The following ACRV1 variants were observed in gnomAD, a reference collection of about 807,000 sequenced individuals.
ACRV1 encodes acrosomal vesicle protein 1, also known as acrosomal protein SP-10.
In ACRV1, 17 loss-of-function variants were observed where a neutral mutation model predicts 29.2. The ratio of observed to expected loss-of-function variants is 0.58; its 90% CI spans 0.40 to 0.87. The LOEUF (loss-of-function observed/expected upper bound fraction) is 0.87. Ranked by LOEUF, ACRV1 falls within the 40% of genes least tolerant of loss-of-function variation. The probability of loss-of-function intolerance (pLI) is 0.00; values close to 1 mark genes in which losing one functional copy is unlikely to be tolerated. For synonymous variants in ACRV1, 98 were observed against 111.6 expected, an observed-to-expected ratio of 0.88 and a Z score of 0.77; for missense variants, 294 against 316.0, an observed-to-expected ratio of 0.93 and a Z score of 0.53.
intron 3 of ACRV1, among the ~76,000 whole-genome samples, chr11:125,675,404 T>A (rs1942454204): frequency 6.6e-6 from 1 of 152,228 alleles, no homozygotes; most frequent in Admixed American, 6.5e-5. Flanking sequence ...ATTTGAGTCA[T>A]CTTTCTGTAG....
At chr11:125,679,222 T>TTTTTTTTTTTC (rs1942681346) in intron 1 of ACRV1, among the ~76,000 whole-genome samples, 1 of 142,562 alleles carries the variant, frequency 7.0e-6, no homozygotes, top group Non-Finnish European at 1.5e-5. Context: ...CTTTCTTTTT[T>TTTTTTTTTTTC]TTTTTTTGTT....
At chr11:125,679,216 C>CTTTCTTTTTT (rs748150001) in intron 1 of ACRV1, among the ~76,000 whole-genome samples, 3 of 121,048 alleles carry the variant, frequency 2.5e-5, no homozygotes, top group Non-Finnish European at 3.3e-5. Context: ...CCGTCTCTTT[C>CTTTCTTTTTT]TTTTTTTTTT....
chr11:125,675,010 G>A (rs1317004019), intron 3 of ACRV1, among the ~76,000 whole-genome samples: 3 of 152,126 alleles, frequency 2.0e-5, no homozygotes, highest in African/African-American at 7.2e-5. Context: ...AACCATTGCT[G>A]TATGACTAAA....
chr11:125,680,256 G>C (rs191671354), intron 1 of ACRV1, among the ~76,000 whole-genome samples: 2 of 152,190 alleles, frequency 1.3e-5, no homozygotes, highest in African/African-American at 4.8e-5. Flanking sequence ...CAGAAAACCT[G>C]ATTGATATAA....
intron 1 of ACRV1, among the ~76,000 whole-genome samples, chr11:125,679,097 A>G (rs1942669745): frequency 6.7e-6 from 1 of 149,036 alleles, no homozygotes; most frequent in Non-Finnish European, 1.5e-5. Context: ...TGTGAAGTGC[A>G]CCATTGCCTA....
intron 3 of ACRV1, among the ~76,000 whole-genome samples, chr11:125,675,699 T>G (rs1942469422): frequency 6.6e-6 from 1 of 152,176 alleles, no homozygotes; most frequent in South Asian, 2.1e-4. Flanking sequence ...ACTAAATGCC[T>G]ACCATATGCT....
At chr11:125,674,268 A>T (rs1942372676) in intron 3 of ACRV1, among the ~76,000 whole-genome samples, 2 of 152,220 alleles carry the variant, frequency 1.3e-5, no homozygotes, top group Admixed American at 1.3e-4. Flanking sequence ...CAATGGAAAA[A>T]CCATGTTATA....
intron 3 of ACRV1, among the ~76,000 whole-genome samples, chr11:125,673,621 C>T (rs1268156003): frequency 7.2e-5 from 11 of 152,188 alleles, no homozygotes. Flanking sequence ...TACCAACTAA[C>T]CGATGATCAC....
chr11:125,677,834 T>G lies in ACRV1; in HGVS notation c.516A>C (p.Glu172Asp). 6.2e-7 allele frequency: 1 copy of G among 1,614,134 alleles called. No individual in the cohort carries two copies. Among genetic ancestry groups the G allele is most frequent in the Non-Finnish European group, 8.5e-7 (1 of 1,180,016 alleles). The change falls in exon 2 of 4, where the codon GAA (glutamate) becomes GAC (aspartate). Residue 172 changes from glutamate (E) to aspartate (D), a missense_variant. Transcript: ENST00000533904. Reference protein sequence around the residue: ...EQPSGEHASGEQASGAPISST... With the variant: ...EQPSGEHASGDQASGAPISST... ...TTGAAATTGGTGCACCTGAAGCCTG[T>G]TCCCCTGAAGCGTGCTCACCTGAAG...
chr11:125,679,661 TATTTA>T (rs1942706783), intron 1 of ACRV1, among the ~76,000 whole-genome samples: 1 of 152,224 alleles, frequency 6.6e-6, no homozygotes, highest in African/African-American at 2.4e-5. Context: ...ACAACCAAGT[TATTTA>T]ATTCTAGCCA....
Position 125,672,328 on chromosome 11 carries a change from C to A in ACRV1, c.*265G>T. The stretch of plus-strand genomic sequence containing the variant: ...GGGGGAAAAAAAGGTCTGTCTTGAG[C>A]CTGTGTGCTTTAACCATGTGAAATT... On this transcript the variant is annotated 3_prime_UTR_variant, in exon 4 of 4. Transcript: ENST00000533904. 1 of 370,764 alleles carries A rather than the reference C, an allele frequency of 2.7e-6. No homozygotes were observed. 23.0% of individuals were successfully genotyped at this position (370,764 alleles called of 1,614,324 possible).
chr11:125,676,015 C>G (rs1489411909), intron 3 of ACRV1: 1 of 197,422 alleles, frequency 5.1e-6, no homozygotes, highest in East Asian at 1.2e-4. Flanking sequence ...TCAAGCGATT[C>G]TCCTGCCTCA....
Position 125,672,377 on chromosome 11 carries a change from T to G in ACRV1, c.*216A>C. On this transcript the variant is annotated 3_prime_UTR_variant, in exon 4 of 4. Coordinates refer to ENST00000533904, the MANE Select transcript of ACRV1 (RefSeq NM_001612.6). ...TTTATTGAAAAAAAAATCAGGAATATTGAGAGAAAGAGTTGGAGCAGGGAA... is the reference window on the plus strand; with the variant it reads ...TTTATTGAAAAAAAAATCAGGAATAGTGAGAGAAAGAGTTGGAGCAGGGAA... 2 of 514,920 alleles carry G rather than the reference T, an allele frequency of 3.9e-6. No individual in the cohort carries two copies. The highest frequency in any genetic ancestry group is 2.0e-5 in the African/African-American group (1 of 50,502). The allele number at this position is 514,920 out of a possible 1,614,324, so 31.9% of individuals were successfully genotyped here.
Position 125,677,909 on chromosome 11 carries a change from T to G in ACRV1, c.441A>C (p.Glu147Asp). Reference protein sequence around the residue: ...EQPSDEQPSGEHGSGEQPSGE... With the variant: ...EQPSDEQPSGDHGSGEQPSGE... The stretch of plus-strand genomic sequence containing the variant: ...CAGAAGGCTGTTCACCGGAGCCATG[T>G]TCACCTGAAGGCTGTTCATCTGAAG... The change falls in exon 2 of 4, where the codon GAA becomes GAC. Residue 147 changes from glutamate to aspartate, a missense_variant. Physicochemically the swap from Glu to Asp is conservative, Grantham distance 45 (BLOSUM62 2). Transcript: ENST00000533904. The G allele has an allele frequency of 6.2e-7, 1 of 1,614,020 alleles. No individual in the cohort carries two copies. The highest frequency in any genetic ancestry group is 8.5e-7 in the Non-Finnish European group (1 of 1,179,994).
At chr11:125,677,668 T>G in intron 2 of ACRV1, 129 bp downstream of exon 2, 14 of 1,285,400 alleles carry the variant, frequency 1.1e-5, no homozygotes, top group Non-Finnish European at 1.4e-5. Context: ...AGAGAGACTT[T>G]GAGAGAGCTG....
intron 3 of ACRV1, among the ~76,000 whole-genome samples, chr11:125,674,509 T>C (rs1942388205): frequency 2.0e-5 from 3 of 152,190 alleles, no homozygotes; most frequent in Admixed American, 2.0e-4. Flanking sequence ...GTGTAGAGTG[T>C]AAACAGGGAT....
intron 1 of ACRV1, among the ~76,000 whole-genome samples, chr11:125,678,978 T>TTTTATATATATATATATA (rs1555078664): frequency 3.4e-5 from 3 of 88,444 alleles, no homozygotes; most frequent in Admixed American, 2.9e-4. Flanking sequence ...TCTAGGCATA[T>TTTTATATATATATATATA]TATATATATA....
intron 3 of ACRV1, 96 bp from the exon 4 acceptor site, chr11:125,672,813 A>G: frequency 6.9e-7 from 1 of 1,449,970 alleles, no homozygotes; most frequent in Non-Finnish European, 9.3e-7. Flanking sequence ...AGGATGGTCA[A>G]GACCTCCACT....
chr11:125,680,680 T>A, intron 1 of ACRV1, 49 bp downstream of exon 1: 2 of 1,551,524 alleles, frequency 1.3e-6, no homozygotes, highest in Non-Finnish European at 1.8e-6. Flanking sequence ...TGAAATGTCT[T>A]AAGGGAGACC....
Sources: allele counts gnomAD v4.1 joint callset (sites outside exome capture counted in the v4.1 genomes callset), GRCh38; gene constraint gnomAD v4.1.1; transcripts MANE v1.5; gene names NCBI Gene and HGNC (gene_info 2026-07-23, HGNC 2026-07-21).